NBPF26: variants seen among roughly 807,000 people sequenced by gnomAD.
The protein encoded by NBPF26 is NBPF family member NBPF26.
Under a neutral mutation model 119.6 loss-of-function variants are expected in NBPF26, and 79 were observed. The ratio of observed to expected loss-of-function variants is 0.66; its 90% CI spans 0.55 to 0.80. The LOEUF (loss-of-function observed/expected upper bound fraction) is 0.80. NBPF26 is among the 30% of genes least tolerant of loss of function. NBPF26 has a pLI of 0.00. For synonymous variants in NBPF26, 299 were observed against 457.7 expected (o/e 0.65, Z 4.43); for missense variants, 800 against 1,198.2 (o/e 0.67, Z 4.91).
At position 120,823,649 on chromosome 1, in the gene NBPF26, G is replaced by GC. The variant is rs1295965765; in HGVS notation, c.2639+290dup. 1.6e-5 allele frequency among the ~76,000 whole-genome samples: 2 copies of GC among 124,600 alleles called. 1 individual carries two copies. Among genetic ancestry groups the GC allele is most frequent in the African/African-American group, 7.7e-5 (2 of 26,094 alleles). 81.7% of individuals were successfully genotyped at this position (124,600 alleles called of 152,430 possible). ...TTTTACGCAAAATTATTGAGGACAT[G>GC]CTTTTCATGATCACTGTTCACTGTG... is the stretch of plus-strand genomic sequence containing the variant. On this transcript the variant is annotated intron_variant, in intron 17 of 29. Coordinates refer to ENST00000620612, the Ensembl canonical transcript of NBPF26.
rs1316939946 is a variant in NBPF26 at position 120,764,118 on chromosome 1, A to G, written c.155+409A>G. ...AAAAATTAGCCAGGTGTGGTGGCGC[A>G]TGACTGGAGTCCCAGCTACTCGGGA... is the stretch of plus-strand genomic sequence containing the variant. On this transcript the variant is annotated intron_variant, in intron 2 of 29. Coordinates refer to ENST00000620612, the Ensembl canonical transcript of NBPF26. 1.8e-5 allele frequency among the ~76,000 whole-genome samples: 2 copies of G among 111,230 alleles called. 1 individual carries two copies. Among genetic ancestry groups the G allele is most frequent in the Non-Finnish European group, 3.4e-5 (2 of 58,030 alleles). 73.0% of individuals were successfully genotyped at this position (111,230 alleles called of 152,430 possible). A position where few individuals can be genotyped will look rare whatever the true frequency, so the allele number is the denominator to read the frequency against.
chr1:120,805,874 C>T lies in NBPF26; in HGVS notation c.961+109C>T. The T allele has an allele frequency of 1.0e-5, 9 of 889,150 alleles. 2 individuals are homozygous for T. The highest frequency in any genetic ancestry group is 3.0e-5 in the African/African-American group (1 of 33,738). The allele number at this position is 889,150 out of a possible 1,614,324, so 55.1% of individuals were successfully genotyped here. ...AAAGAATTTCATCCTTCCTGTACTT[C>T]TAGGAAAACAGAAATGGGTATTTTA... is the stretch of plus-strand genomic sequence containing the variant. On this transcript the variant is annotated intron_variant, in intron 5 of 29. Transcript: ENST00000620612.
intron 2 of NBPF26, among the ~76,000 whole-genome samples, chr1:120,778,789 CA>C (rs1651330416): frequency 1.4e-5 from 1 of 71,926 alleles, no homozygotes. Context: ...GGAGCTGACA[CA>C]AGCTGCTACA....
At position 120,808,007 on chromosome 1, in the gene NBPF26, A is replaced by C. The variant is rs1474885803; in HGVS notation, c.1064+298A>C. ...GAACCACCCAGCAGCATTCAGTATAATCAAAATGGTGTGCCATCACCACCC... is the reference window on the plus strand; with the variant it reads ...GAACCACCCAGCAGCATTCAGTATACTCAAAATGGTGTGCCATCACCACCC... On this transcript the variant is annotated intron_variant, in intron 6 of 29. Coordinates refer to ENST00000620612, the Ensembl canonical transcript of NBPF26. 5.4e-3 allele frequency among the ~76,000 whole-genome samples: 657 copies of C among 120,594 alleles called. 203 individuals carry two copies. Among genetic ancestry groups the C allele is most frequent in the African/African-American group, 0.025 (621 of 24,450 alleles). 79.1% of individuals were successfully genotyped at this position (120,594 alleles called of 152,430 possible).
At chr1:120,807,053 A>G (rs1197139836) in intron 5 of NBPF26, among the ~76,000 whole-genome samples, 3 of 130,810 alleles carry the variant, frequency 2.3e-5, no homozygotes, top group Admixed American at 1.5e-4. Context: ...GTATTTGGGC[A>G]TATTTCCTTC....
chr1:120,818,988 T>A (rs1652072267), intron 15 of NBPF26, among the ~76,000 whole-genome samples: 2 of 108,954 alleles, frequency 1.8e-5, no homozygotes, highest in Non-Finnish European at 3.6e-5. Context: ...GTAGATGTCT[T>A]TTAGGTCTGC....
downstream of NBPF26, chr1:120,840,674 C>T (rs1464607192): frequency 1.4e-6 from 2 of 1,421,376 alleles, no homozygotes; most frequent in African/African-American, 5.1e-5. Context: ...AAGTACAGTT[C>T]CATTTGGAAG....
chr1:120,768,605 G>A (rs1280546882), intron 2 of NBPF26, among the ~76,000 whole-genome samples: 2 of 106,470 alleles, frequency 1.9e-5, no homozygotes, highest in East Asian at 4.6e-4. Flanking sequence ...GTACCTTCAC[G>A]ATAAAAAAAA....
rs1321667035 is a variant in NBPF26, at chr1:120,817,912, A to C, written c.2372-211A>C. 1.3e-4 allele frequency among the ~76,000 whole-genome samples: 15 copies of C among 115,542 alleles called. 3 individuals are homozygous for C. The highest frequency in any genetic ancestry group is 2.5e-4 in the Non-Finnish European group (15 of 60,846). 75.8% of individuals were successfully genotyped at this position (115,542 alleles called of 152,430 possible). A position where few individuals can be genotyped will look rare whatever the true frequency, so the allele number is the denominator to read the frequency against. ...CAGGGAATATGGCATTATGGTCTAC[A>C]CATAGAGGGAGATTTTGGCCTGTGG... On this transcript the variant is annotated intron_variant, in intron 14 of 29. Coordinates refer to ENST00000620612, the Ensembl canonical transcript of NBPF26.
intron 2 of NBPF26, among the ~76,000 whole-genome samples, chr1:120,763,964 G>T (rs1651160925): frequency 8.9e-6 from 1 of 112,648 alleles, no homozygotes; most frequent in Non-Finnish European, 1.7e-5. Flanking sequence ...TGTATATGGG[G>T]TAGACCAGGC....
chr1:120,823,540 C>A (rs1172510723), intron 17 of NBPF26, among the ~76,000 whole-genome samples, 180 bp downstream of exon 17: 1 of 114,722 alleles, frequency 8.7e-6, no homozygotes, highest in Non-Finnish European at 1.7e-5. Flanking sequence ...TTTCTTCCTA[C>A]CCTTATCATT....
At position 120,730,579 on chromosome 1, in the gene NBPF26, T is replaced by G. The variant is rs1448388087; in HGVS notation, c.73+6329T>G. On this transcript the variant is annotated intron_variant, in intron 1 of 29. Coordinates refer to ENST00000620612, the Ensembl canonical transcript of NBPF26. ...AGTGGTAGGAGGTTTGCCGTAGATC[T>G]GTTTTTTCTCCTGTCTCACTTTTTG... 1.2e-4 allele frequency among the ~76,000 whole-genome samples: 14 copies of G among 113,858 alleles called. 5 individuals are homozygous for G. Among genetic ancestry groups the G allele is most frequent in the African/African-American group, 7.5e-4 (14 of 18,724 alleles). The allele number at this position is 113,858 out of a possible 152,430, so 74.7% of individuals were successfully genotyped here. A position where few individuals can be genotyped will look rare whatever the true frequency, so the allele number is the denominator to read the frequency against.
chr1:120,807,286 C>T (rs1393605400), intron 5 of NBPF26, among the ~76,000 whole-genome samples: 1 of 126,260 alleles, frequency 7.9e-6, no homozygotes, highest in Non-Finnish European at 1.6e-5. Flanking sequence ...AGAGGAGAGG[C>T]TGCAAGGCTT....
rs1651770105 is a variant in NBPF26 at position 120,808,581 on chromosome 1, GC to G, written c.1102del (p.Leu368Ter). ...TCCTGGTTCACTCTCAGGAACGAGA[GC>G]TGACGCAGTTAAAGGAGAAGTTACG... is the stretch of plus-strand genomic sequence containing the variant. On this transcript the variant is annotated frameshift_variant, in exon 7 of 30. Transcript: ENST00000620612. LOFTEE classifies it high-confidence loss of function. The G allele has an allele frequency of 1.7e-5, 15 of 902,108 alleles. No individual in the cohort carries two copies. The highest frequency in any genetic ancestry group is 2.6e-5 in the Non-Finnish European group (15 of 575,202). The allele number at this position is 902,108 out of a possible 1,614,324, so 55.9% of individuals were successfully genotyped here. A position where few individuals can be genotyped will look rare whatever the true frequency, so the allele number is the denominator to read the frequency against.
chr1:120,781,930 G>A (rs1651367134), intron 2 of NBPF26, among the ~76,000 whole-genome samples: 1 of 108,770 alleles, frequency 9.2e-6, no homozygotes, highest in South Asian at 2.7e-4. Flanking sequence ...TATAGCACTG[G>A]AGCGAGTAAT....
intron 4 of NBPF26, among the ~76,000 whole-genome samples, chr1:120,802,581 A>T (rs1651594741): frequency 1.6e-5 from 2 of 121,580 alleles, no homozygotes; most frequent in Non-Finnish European, 3.3e-5. Context: ...GCATGCTTTG[A>T]ATATAAATTA....
In NBPF26 at chr1:120,818,547, C is replaced by T. The variant is rs1249271909; in HGVS notation, c.2423+373C>T. On this transcript the variant is annotated intron_variant, in intron 15 of 29. Coordinates refer to ENST00000620612, the Ensembl canonical transcript of NBPF26. ...CTAGCTTTTGAATTTGTTTGCTTTG[C>T]TTCTCTCGTTATTTTAATTGTGATG... 4.8e-5 allele frequency among the ~76,000 whole-genome samples: 6 copies of T among 125,840 alleles called. 1 individual carries two copies. The highest frequency in any genetic ancestry group is 8.1e-5 in the Non-Finnish European group (5 of 61,454). 82.6% of individuals were successfully genotyped at this position (125,840 alleles called of 152,430 possible). A position where few individuals can be genotyped will look rare whatever the true frequency, so the allele number is the denominator to read the frequency against.
At position 120,764,603 on chromosome 1, in the gene NBPF26, C is replaced by T. The variant is rs1447102535; in HGVS notation, c.155+894C>T. On this transcript the variant is annotated intron_variant, in intron 2 of 29. Coordinates refer to ENST00000620612, the Ensembl canonical transcript of NBPF26. Reference sequence around the variant, plus strand: ...CTTGGCTTAAGAGCATTTTTTTTTTCCTTTTTCTCCAACCATCTACTCTAG... The same window carrying T: ...CTTGGCTTAAGAGCATTTTTTTTTTTCTTTTTCTCCAACCATCTACTCTAG... 1.4e-4 allele frequency among the ~76,000 whole-genome samples: 15 copies of T among 110,502 alleles called. 2 individuals carry two copies. In the South Asian group the frequency reaches 1.7e-3, roughly 13 times the overall value. 72.5% of individuals were successfully genotyped at this position (110,502 alleles called of 152,430 possible). A position where few individuals can be genotyped will look rare whatever the true frequency, so the allele number is the denominator to read the frequency against.
At chr1:120,805,648 A>G in exon 5 of NBPF26, 2 of 1,461,118 alleles carry the variant, frequency 1.4e-6, no homozygotes, top group Non-Finnish European at 1.9e-6. Flanking sequence ...CATTCTAGAA[A>G]TCAACGAGAC....
Sources: allele counts gnomAD v4.1 joint callset (sites outside exome capture counted in the v4.1 genomes callset), GRCh38; gene constraint gnomAD v4.1.1; transcripts MANE v1.5; gene names NCBI Gene and HGNC (gene_info 2026-07-23, HGNC 2026-07-21).